ASH1L: variants seen among roughly 807,000 people sequenced by gnomAD.
The protein encoded by ASH1L is histone-lysine N-methyltransferase ASH1L.
In ASH1L, 23 loss-of-function variants were observed where a neutral mutation model predicts 269.0. The ratio of observed to expected loss-of-function variants is 0.09; its 90% CI spans 0.06 to 0.12. ASH1L has a LOEUF of 0.12. ASH1L is among the 10% of genes least tolerant of loss of function. ASH1L has a pLI of 1.00. For missense variants in ASH1L, 2,912 were observed against 3,567.8 expected (o/e 0.82, Z 4.68); for synonymous variants, 1,187 against 1,253.5 (o/e 0.95, Z 1.12).
intron 1 of ASH1L, among the ~76,000 whole-genome samples, chr1:155,540,597 C>T (rs1670362590): frequency 6.6e-6 from 1 of 152,070 alleles, no homozygotes; most frequent in Non-Finnish European, 1.5e-5. Context: ...AGCAAAACCC[C>T]ATCTCTACAA....
At chr1:155,496,175 ATTT>A (rs758768913) in intron 2 of ASH1L, among the ~76,000 whole-genome samples, 6 of 152,292 alleles carry the variant, frequency 3.9e-5, no homozygotes, top group Non-Finnish European at 5.9e-5. Context: ...TTATTTAAAA[ATTT>A]TTAAATTTGT....
intron 2 of ASH1L, among the ~76,000 whole-genome samples, chr1:155,512,043 C>T (rs1487464566): frequency 6.6e-6 from 1 of 151,894 alleles, no homozygotes; most frequent in Non-Finnish European, 1.5e-5. Flanking sequence ...AACTCCCGAC[C>T]TCAGGTGATC....
rs1484864801 is a variant in ASH1L at position 155,480,350 on chromosome 1, T to A, written c.2520A>T (p.Glu840Asp). The A allele has an allele frequency of 1.2e-6, 2 of 1,613,692 alleles. No homozygotes were observed. Residue 840 changes from glutamate to aspartate, a missense_variant, in exon 3 of 28, where the codon GAA (glutamate) becomes GAT (aspartate). By Grantham distance (45) the Glu-to-Asp change is conservative. Transcript: ENST00000392403. Reference protein sequence around the residue: ...RPKSKEMPQLEGPPKRTLKIP... With the variant: ...RPKSKEMPQLDGPPKRTLKIP... ...TTTTTAAAGTCCTTTTAGGTGGCCC[T>A]TCCAGTTGAGGCATCTCCTTAGATT... is the stretch of plus-strand genomic sequence containing the variant.
At chr1:155,463,540 C>T (rs1314835135) in intron 3 of ASH1L, among the ~76,000 whole-genome samples, 1 of 152,060 alleles carries the variant, frequency 6.6e-6, no homozygotes, top group Non-Finnish European at 1.5e-5. Flanking sequence ...TGCCTGTAAT[C>T]CCAGCACTTT....
intron 1 of ASH1L, among the ~76,000 whole-genome samples, chr1:155,554,365 C>T (rs576761334): frequency 9.1e-4 from 139 of 152,070 alleles, no homozygotes; most frequent in Non-Finnish European, 4.9e-4. Context: ...CTCTGCCTCT[C>T]GGGTTCAAGC....
intron 6 of ASH1L, among the ~76,000 whole-genome samples, chr1:155,405,861 G>A (rs1161259645): frequency 1.3e-5 from 2 of 150,692 alleles, no homozygotes; most frequent in Non-Finnish European, 3.0e-5. Context: ...AAAATAAATG[G>A]AAAGACATCC....
intron 2 of ASH1L, among the ~76,000 whole-genome samples, chr1:155,496,352 A>C (rs765508909): frequency 6.6e-6 from 1 of 152,244 alleles, no homozygotes; most frequent in Admixed American, 6.5e-5. Context: ...TGATCCAAAC[A>C]TGATTACGCA....
intron 2 of ASH1L, among the ~76,000 whole-genome samples, chr1:155,491,590 T>G (rs929566420): frequency 6.6e-6 from 1 of 152,236 alleles, no homozygotes; most frequent in East Asian, 1.9e-4. Context: ...AAACATAGTC[T>G]GATTTCATAA....
chr1:155,369,702 T>C (rs1655765711), intron 12 of ASH1L, among the ~76,000 whole-genome samples: 1 of 152,148 alleles, frequency 6.6e-6, no homozygotes, highest in Non-Finnish European at 1.5e-5. Flanking sequence ...AGTGGCTGAA[T>C]GAACTGATAT....
intron 2 of ASH1L, among the ~76,000 whole-genome samples, chr1:155,498,175 C>A (rs190911707): frequency 6.6e-6 from 1 of 152,010 alleles, no homozygotes; most frequent in African/African-American, 2.4e-5. Flanking sequence ...GTAACCAGAA[C>A]AGTCAAATTC....
chr1:155,401,589 C>G (rs1658853243), intron 6 of ASH1L, among the ~76,000 whole-genome samples: 2 of 151,530 alleles, frequency 1.3e-5, no homozygotes, highest in African/African-American at 4.9e-5. Context: ...GAGGTGGAGA[C>G]CAACCTGGCG....
intron 1 of ASH1L, among the ~76,000 whole-genome samples, chr1:155,523,117 G>T (rs1435838368): frequency 6.6e-6 from 1 of 152,174 alleles, no homozygotes; most frequent in Non-Finnish European, 1.5e-5. Flanking sequence ...GGAAAACGGA[G>T]AACATCTTAT....
chr1:155,559,245 A>T (rs1462019018), intron 1 of ASH1L, among the ~76,000 whole-genome samples: 4 of 152,138 alleles, frequency 2.6e-5, no homozygotes, highest in African/African-American at 4.8e-5. Flanking sequence ...TTTATACAAA[A>T]ACACCAGATG....
chr1:155,381,133 T>C (rs957311200), intron 7 of ASH1L, among the ~76,000 whole-genome samples: 5 of 152,178 alleles, frequency 3.3e-5, no homozygotes, highest in African/African-American at 1.2e-4. Context: ...GCGCTACCAG[T>C]TGAATACAAG....
At chr1:155,383,721 T>C (rs1328521101) in intron 7 of ASH1L, among the ~76,000 whole-genome samples, 1 of 152,150 alleles carries the variant, frequency 6.6e-6, no homozygotes, top group Non-Finnish European at 1.5e-5. Context: ...ACAGGTATTA[T>C]ACAACCCCAC....
At chr1:155,358,467 C>G (rs1654618370) in intron 13 of ASH1L, among the ~76,000 whole-genome samples, 1 of 151,796 alleles carries the variant, frequency 6.6e-6, no homozygotes, top group East Asian at 1.9e-4. Flanking sequence ...GGGCGGATCA[C>G]AAGGTCAGCA....
chr1:155,405,781 G>A (rs577188941), intron 6 of ASH1L, among the ~76,000 whole-genome samples: 1 of 147,148 alleles, frequency 6.8e-6, no homozygotes, highest in Non-Finnish European at 1.5e-5. Flanking sequence ...AGTGAGCCAA[G>A]ATCAGGCCAC....
chr1:155,499,430 G>A (rs976121550), intron 2 of ASH1L, among the ~76,000 whole-genome samples: 2 of 152,110 alleles, frequency 1.3e-5, no homozygotes, highest in African/African-American at 4.8e-5. Flanking sequence ...AACTAGTTAC[G>A]AAAGAGGTAC....
intron 6 of ASH1L, among the ~76,000 whole-genome samples, chr1:155,399,070 T>C (rs1571104374): frequency 6.6e-6 from 1 of 152,128 alleles, no homozygotes; most frequent in South Asian, 2.1e-4. Flanking sequence ...ACTTAATCCA[T>C]TTTGAAATGT....
Sources: allele counts gnomAD v4.1 joint callset (sites outside exome capture counted in the v4.1 genomes callset), GRCh38; gene constraint gnomAD v4.1.1; transcripts MANE v1.5; gene names NCBI Gene and HGNC (gene_info 2026-07-23, HGNC 2026-07-21).